The following AGBL4 variants were observed in gnomAD, a reference collection of about 807,000 sequenced individuals.
AGBL4 encodes AGBL carboxypeptidase 4.
In AGBL4, 58 loss-of-function variants were observed where a neutral mutation model predicts 66.4. The ratio of observed to expected loss-of-function variants is 0.87; its 90% CI spans 0.71 to 1.09. The LOEUF is 1.09. AGBL4 is among the 50% of genes least tolerant of loss of function. The probability of loss-of-function intolerance (pLI) is 0.00; values close to 1 mark genes in which losing one functional copy is unlikely to be tolerated. For missense variants in AGBL4, 579 were observed against 631.0 expected (o/e 0.92, Z 0.88); for synonymous variants, 234 against 222.9 (o/e 1.05, Z -0.44).
chr1:49,954,509 C>T (rs1656431121), intron 1 of AGBL4, among the ~76,000 whole-genome samples: 2 of 152,004 alleles, frequency 1.3e-5, no homozygotes, highest in African/African-American at 4.8e-5. Context: ...GCAAGAGGGC[C>T]TTTGCCAGAT....
intron 1 of AGBL4, among the ~76,000 whole-genome samples, chr1:49,997,690 C>T (rs1381291335): frequency 6.6e-6 from 1 of 152,036 alleles, no homozygotes; most frequent in Non-Finnish European, 1.5e-5. Flanking sequence ...GTAAACTATA[C>T]CCTAGAACAA....
In AGBL4 at chr1:49,661,339, A is replaced by G. The variant is rs1048016641; in HGVS notation, c.282+35974T>C. On this transcript the variant is annotated intron_variant, in intron 3 of 13. Coordinates refer to ENST00000371839, the MANE Select transcript of AGBL4 (RefSeq NM_032785.4). ...GTCTCATGTTGAAATGTGACTTCCA[A>G]TGTTGGAATTGGGCTTAGTGGGAGG... 8.1e-4 allele frequency among the ~76,000 whole-genome samples: 123 copies of G among 152,054 alleles called. 1 individual carries two copies. The highest frequency in any genetic ancestry group is 2.9e-3 in the African/African-American group (119 of 41,404).
intron 1 of AGBL4, among the ~76,000 whole-genome samples, chr1:49,883,114 AT>A: frequency 6.6e-6 from 1 of 152,318 alleles, no homozygotes; most frequent in Admixed American, 6.5e-5. Flanking sequence ...TTATCCAAAA[AT>A]ATCATCATTT....
intron 1 of AGBL4, among the ~76,000 whole-genome samples, chr1:49,902,101 G>A (rs1222967835): frequency 1.3e-5 from 2 of 152,076 alleles, no homozygotes; most frequent in African/African-American, 4.8e-5. Flanking sequence ...AATAAACTAG[G>A]AAATACCATT....
chr1:48,698,570 T>G (rs1207458525), intron 6 of AGBL4, among the ~76,000 whole-genome samples: 1 of 152,236 alleles, frequency 6.6e-6, no homozygotes, highest in Admixed American at 6.5e-5. Flanking sequence ...CCTTTAGTCC[T>G]GCCCAGCTCA....
intron 1 of AGBL4, among the ~76,000 whole-genome samples, chr1:49,893,629 T>C (rs1385276003): frequency 6.6e-6 from 1 of 152,108 alleles, no homozygotes; most frequent in African/African-American, 2.4e-5. Context: ...GAAGAGATGC[T>C]CCTCCACCAG....
intron 4 of AGBL4, among the ~76,000 whole-genome samples, chr1:49,166,913 A>T (rs1646645900): frequency 1.3e-5 from 2 of 152,056 alleles, no homozygotes; most frequent in Non-Finnish European, 2.9e-5. Flanking sequence ...TTTCTTCCCC[A>T]TTTTGGATCA....
intron 3 of AGBL4, among the ~76,000 whole-genome samples, chr1:49,629,550 C>A (rs547400647): frequency 6.6e-6 from 1 of 152,272 alleles, no homozygotes; most frequent in East Asian, 1.9e-4. Flanking sequence ...ACCCAGCAGA[C>A]ACACTGTGAG....
At chr1:49,583,999 A>C (rs1644598465) in intron 3 of AGBL4, among the ~76,000 whole-genome samples, 1 of 151,954 alleles carries the variant, frequency 6.6e-6, no homozygotes. Flanking sequence ...TGCTTACACC[A>C]TTTACTCCTT....
intron 4 of AGBL4, among the ~76,000 whole-genome samples, chr1:49,202,956 A>C: frequency 6.6e-6 from 1 of 152,064 alleles, no homozygotes; most frequent in South Asian, 2.1e-4. Flanking sequence ...AGTTGAACAG[A>C]CATTTCTTTA....
intron 6 of AGBL4, among the ~76,000 whole-genome samples, chr1:48,765,391 G>A (rs1644480081): frequency 6.6e-6 from 1 of 152,266 alleles, no homozygotes; most frequent in Non-Finnish European, 1.5e-5. Context: ...CATTAGGATG[G>A]CTCAAATCAA....
intron 1 of AGBL4, among the ~76,000 whole-genome samples, chr1:50,020,082 T>TTA (rs1257193185): frequency 2.0e-5 from 3 of 152,008 alleles, no homozygotes; most frequent in Non-Finnish European, 4.4e-5. Context: ...TAAGTGTCCC[T>TTA]TATTCCTCCA....
chr1:49,308,939 C>T (rs1040566597), intron 3 of AGBL4, among the ~76,000 whole-genome samples: 1 of 152,170 alleles, frequency 6.6e-6, no homozygotes, highest in Non-Finnish European at 1.5e-5. Context: ...TTATACCTCT[C>T]AGACTATGTG....
chr1:49,415,695 T>C (rs1645412324), intron 3 of AGBL4, among the ~76,000 whole-genome samples: 1 of 152,106 alleles, frequency 6.6e-6, no homozygotes, highest in African/African-American at 2.4e-5. Flanking sequence ...ATGATCTGGA[T>C]AGTATTTTAG....
At chr1:49,148,854 C>G (rs1400718565) in intron 4 of AGBL4, among the ~76,000 whole-genome samples, 1 of 152,186 alleles carries the variant, frequency 6.6e-6, no homozygotes, top group Non-Finnish European at 1.5e-5. Flanking sequence ...TGTCCCATGT[C>G]CCAGTTCCAG....
At chr1:49,929,010 T>A (rs538398589) in intron 1 of AGBL4, among the ~76,000 whole-genome samples, 2 of 152,296 alleles carry the variant, frequency 1.3e-5, no homozygotes, top group Admixed American at 1.3e-4. Flanking sequence ...ATCATATCCT[T>A]TGCAGCAACA....
At chr1:48,652,901 A>C (rs1178645761) in intron 8 of AGBL4, among the ~76,000 whole-genome samples, 1 of 152,196 alleles carries the variant, frequency 6.6e-6, no homozygotes, top group Non-Finnish European at 1.5e-5. Flanking sequence ...GAAACACAAC[A>C]AAACAGTCAT....
chr1:49,590,341 A>G (rs1644728354), intron 3 of AGBL4, among the ~76,000 whole-genome samples: 1 of 151,982 alleles, frequency 6.6e-6, no homozygotes, highest in Non-Finnish European at 1.5e-5. Context: ...AAGATAAAAC[A>G]GAAAATTACA....
At chr1:49,372,439 C>T (rs989674761) in intron 3 of AGBL4, among the ~76,000 whole-genome samples, 2 of 152,086 alleles carry the variant, frequency 1.3e-5, no homozygotes, top group Non-Finnish European at 2.9e-5. Context: ...AAATTCCTTT[C>T]CCATAAAGCC....
Sources: allele counts gnomAD v4.1 joint callset (sites outside exome capture counted in the v4.1 genomes callset), GRCh38; gene constraint gnomAD v4.1.1; transcripts MANE v1.5; gene names NCBI Gene and HGNC (gene_info 2026-07-23, HGNC 2026-07-21).